Variants in RIMBP2 observed in about 807,000 individuals in gnomAD.
RIMBP2 encodes the protein RIMS-binding protein 2.
RIMBP2 carries 48 observed loss-of-function variants against 118.6 expected under a neutral mutation model. That is an observed-to-expected ratio of 0.40 (90% CI 0.32 to 0.51). The LOEUF is 0.51. Among genes scored for constraint, RIMBP2 ranks in the 20% least tolerant of loss-of-function variants. The pLI, the probability that RIMBP2 is intolerant of heterozygous loss-of-function variation, is 0.41. For synonymous variants in RIMBP2, 762 were observed against 742.9 expected (o/e 1.03, Z -0.42); for missense variants, 1,551 against 1,768.3 (o/e 0.88, Z 2.20).
chr12:130,559,393 G>A (rs568541914), intron 2 of RIMBP2, among the ~76,000 whole-genome samples: 6 of 151,676 alleles, frequency 4.0e-5, no homozygotes, highest in Admixed American at 2.0e-4. Context: ...TTTGGATTTC[G>A]CCTATGAGTA....
intron 19 of RIMBP2, among the ~76,000 whole-genome samples, chr12:130,408,612 T>C (rs1230675459): frequency 1.3e-5 from 2 of 152,082 alleles, no homozygotes; most frequent in African/African-American, 4.8e-5. Context: ...AGGTGAACAC[T>C]CTCAGGACGT....
intron 4 of RIMBP2, among the ~76,000 whole-genome samples, chr12:130,493,422 C>A (rs1453728602): frequency 6.6e-6 from 1 of 152,072 alleles, no homozygotes; most frequent in African/African-American, 2.4e-5. Flanking sequence ...TCAAGCAATT[C>A]TCATGCTTCA....
chr12:130,508,202 C>T (rs574966436), intron 3 of RIMBP2, among the ~76,000 whole-genome samples: 1 of 152,202 alleles, frequency 6.6e-6, no homozygotes, highest in African/African-American at 2.4e-5. Flanking sequence ...TGTTCAAGAA[C>T]ATTAGGACTT....
chr12:130,569,178 C>T (rs976801902), intron 2 of RIMBP2, among the ~76,000 whole-genome samples: 2 of 152,224 alleles, frequency 1.3e-5, no homozygotes, highest in Admixed American at 1.3e-4. Context: ...TCCCTGGGCC[C>T]TGGGACAGCC....
intron 7 of RIMBP2, among the ~76,000 whole-genome samples, chr12:130,453,456 A>G (rs1354763223): frequency 6.6e-6 from 1 of 152,250 alleles, no homozygotes; most frequent in Admixed American, 6.5e-5. Flanking sequence ...GCAGATGAAC[A>G]GGTAAAAAAT....
rs1344335944 is a variant in RIMBP2 at position 130,396,477 on chromosome 12, G to A, written c.*884C>T. ...TTGTTCAAATGCCAATGATGAAGAT[G>A]GGTATGGACTCATTTGGAGCAGATT... On this transcript the variant is annotated 3_prime_UTR_variant, in exon 23 of 23. Transcript: ENST00000690449. 2 of 152,604 alleles carry A rather than the reference G, an allele frequency of 1.3e-5. No homozygotes were observed. Among genetic ancestry groups the A allele is most frequent in the African/African-American group, 2.4e-5 (1 of 41,446 alleles). The allele number at this position is 152,604 out of a possible 1,614,324, so 9.5% of individuals were successfully genotyped here.
intron 7 of RIMBP2, among the ~76,000 whole-genome samples, 168 bp from the exon 8 acceptor site, chr12:130,451,508 C>T (rs985285585): frequency 2.0e-5 from 3 of 152,384 alleles, no homozygotes; most frequent in Admixed American, 1.3e-4. Flanking sequence ...GCTGGCGGCG[C>T]GACCCCACCC....
rs544257290 is a variant in RIMBP2, at chr12:130,703,286, C to T, written c.-352+12936G>A. ...TTAACCTCCAGGCGGGCTCCCCCTC[C>T]GCCCTGGACATTTTCAGTTTCCTGC... On this transcript the variant is annotated intron_variant, in intron 1 of 22. Transcript: ENST00000690449. The surrounding 1 kb of genome is among the most constrained non-coding windows in gnomAD (Gnocchi z 5.7). Among the ~76,000 whole-genome samples, 66 of 152,264 alleles carry T rather than the reference C, an allele frequency of 4.3e-4. No homozygotes were observed. The highest frequency in any genetic ancestry group is 1.3e-3 in the African/African-American group (53 of 41,560).
chr12:130,451,467 T>C, intron 7 of RIMBP2, 127 bp from the exon 8 acceptor site: 1 of 992,662 alleles, frequency 1.0e-6, no homozygotes, highest in Non-Finnish European at 1.5e-6. Context: ...CATTTTGGGG[T>C]CCACCCGTCT....
At chr12:130,520,630 C>T (rs1267589533) in intron 2 of RIMBP2, among the ~76,000 whole-genome samples, 1 of 145,154 alleles carries the variant, frequency 6.9e-6, no homozygotes, top group Non-Finnish European at 1.5e-5. Context: ...TGAGATCACG[C>T]CATTGTACTC....
intron 4 of RIMBP2, among the ~76,000 whole-genome samples, chr12:130,483,766 AT>A (rs746057167): frequency 7.3e-5 from 8 of 109,028 alleles, no homozygotes; most frequent in East Asian, 2.8e-4. Flanking sequence ...CGGAGCCCCC[AT>A]CCCTCACCTA....
intron 1 of RIMBP2, among the ~76,000 whole-genome samples, chr12:130,656,862 T>C (rs2063453136): frequency 6.6e-6 from 1 of 151,954 alleles, no homozygotes; most frequent in South Asian, 2.1e-4. Context: ...TGAGCCAAGA[T>C]TGCACCACTG....
chr12:130,626,009 C>A (rs188630237), intron 2 of RIMBP2, among the ~76,000 whole-genome samples: 9 of 152,232 alleles, frequency 5.9e-5, no homozygotes, highest in Admixed American at 5.9e-4. Flanking sequence ...AAATTATATT[C>A]ATTGAAGAAA....
intron 2 of RIMBP2, among the ~76,000 whole-genome samples, chr12:130,626,584 C>G (rs1337375748): frequency 6.6e-6 from 1 of 151,980 alleles, no homozygotes; most frequent in African/African-American, 2.4e-5. Flanking sequence ...TCCATCACGA[C>G]TACCGCCGGC....
At chr12:130,554,481 G>C (rs11060994) in intron 2 of RIMBP2, among the ~76,000 whole-genome samples, 15,775 of 152,082 alleles carry the variant, frequency 0.1, 899 homozygotes, top group East Asian at 0.2. Flanking sequence ...TACAATATAC[G>C]GCCCTCATAA....
intron 4 of RIMBP2, among the ~76,000 whole-genome samples, chr12:130,495,414 G>A (rs992526984): frequency 2.1e-5 from 3 of 139,708 alleles, no homozygotes; most frequent in Non-Finnish European, 4.6e-5. Flanking sequence ...CTGTCATCAC[G>A]TGGGCCTCAG....
Position 130,437,198 on chromosome 12 carries a change from GGGTCCGCAC to G in RIMBP2, c.1741_1749del (p.Val581_Thr583del). The G allele has an allele frequency of 6.3e-7, 1 of 1,585,358 alleles. No homozygotes were observed. Among genetic ancestry groups the G allele is most frequent in the Admixed American group, 1.8e-5 (1 of 56,216 alleles). On this transcript the variant is annotated inframe_deletion, in exon 13 of 23. Coordinates refer to ENST00000690449, the MANE Select transcript of RIMBP2 (RefSeq NM_001393629.1). ...TCCACGGACTCGCCCTGGGCGGAGAGGGTCCGCACGGTCACGCCCTTGGCCTCCAGGCTC... is the reference window on the plus strand; with the variant it reads ...TCCACGGACTCGCCCTGGGCGGAGAGGGTCACGCCCTTGGCCTCCAGGCTC...
At position 130,412,605 on chromosome 12, in the gene RIMBP2, G is replaced by T. The variant is rs12315966; in HGVS notation, c.3589+14C>A. 165,905 of 1,610,370 alleles carry T rather than the reference G, an allele frequency of 0.1. 9,854 individuals are homozygous for T. The highest frequency in any genetic ancestry group is 0.2 in the South Asian group (18,016 of 90,616). ...AAAATGCACAGGGAAGGTCGAATAG[G>T]GGTTTGCGCTTACCTATTTTCTCCA... On this transcript the variant is annotated intron_variant, in intron 19 of 22. Coordinates refer to ENST00000690449, the MANE Select transcript of RIMBP2 (RefSeq NM_001393629.1).
intron 17 of RIMBP2, among the ~76,000 whole-genome samples, chr12:130,416,520 C>A (rs1340097469): frequency 2.0e-5 from 3 of 152,198 alleles, no homozygotes; most frequent in African/African-American, 7.2e-5. Flanking sequence ...TGGCTAGTCA[C>A]ATGCAGAAGA....
Sources: allele counts gnomAD v4.1 joint callset (sites outside exome capture counted in the v4.1 genomes callset), GRCh38; gene constraint gnomAD v4.1.1; non-coding constraint Gnocchi (gnomAD v3.1); transcripts MANE v1.5; gene names NCBI Gene and HGNC (gene_info 2026-07-23, HGNC 2026-07-21).